Variants in LRP1B observed in about 807,000 individuals in gnomAD.
LRP1B encodes low-density lipoprotein receptor-related protein 1B.
In LRP1B, 217 loss-of-function variants were observed where a neutral mutation model predicts 556.6. The ratio of observed to expected loss-of-function variants is 0.39; its 90% CI spans 0.35 to 0.44. The LOEUF is 0.44. Among genes scored for constraint, LRP1B ranks in the 20% least tolerant of loss-of-function variants. The probability of loss-of-function intolerance (pLI) is 1.00; values close to 1 mark genes in which losing one functional copy is unlikely to be tolerated. For missense variants in LRP1B, 5,053 were observed against 5,620.8 expected (o/e 0.90, Z 3.23); for synonymous variants, 2,047 against 1,865.8 (o/e 1.10, Z -2.50).
chr2:141,016,002 T>TAA, intron 12 of LRP1B, 87 bp from the exon 13 acceptor site: 1 of 961,550 alleles, frequency 1.0e-6, no homozygotes, highest in South Asian at 1.3e-5. Context: ...GGCAGTTCCA[T>TAA]AAATTCTAGT....
At chr2:141,292,748 C>A (rs1053224649) in intron 3 of LRP1B, among the ~76,000 whole-genome samples, 1 of 152,134 alleles carries the variant, frequency 6.6e-6, no homozygotes, top group Non-Finnish European at 1.5e-5. Flanking sequence ...GACCTCAAAA[C>A]TGTCAAACTC....
rs188366884 is a variant in LRP1B, at chr2:141,901,502, C to T, written c.83-91101G>A. 1.2e-4 allele frequency among the ~76,000 whole-genome samples: 18 copies of T among 151,988 alleles called. No homozygotes were observed. In the East Asian group the frequency reaches 1.4e-3, roughly 11 times the overall value. On this transcript the variant is annotated intron_variant, in intron 1 of 90. Transcript: ENST00000389484. ...TCTCATGGATAATTTCTAGTATTTACGGGACTTATTTGCTGCTTATATTTA... is the reference window on the plus strand; with the variant it reads ...TCTCATGGATAATTTCTAGTATTTATGGGACTTATTTGCTGCTTATATTTA...
At chr2:140,671,171 C>G (rs1685466305) in intron 41 of LRP1B, among the ~76,000 whole-genome samples, 1 of 152,106 alleles carries the variant, frequency 6.6e-6, no homozygotes, top group Non-Finnish European at 1.5e-5. Flanking sequence ...TATCATTGAG[C>G]TAAAACTAAG....
At chr2:141,743,350 A>G (rs966600487) in intron 2 of LRP1B, among the ~76,000 whole-genome samples, 1 of 151,840 alleles carries the variant, frequency 6.6e-6, no homozygotes, top group Non-Finnish European at 1.5e-5. Flanking sequence ...TTTGTTGAGG[A>G]TTTTTGCATG....
intron 1 of LRP1B, among the ~76,000 whole-genome samples, chr2:141,987,689 T>A (rs1050110893): frequency 6.6e-6 from 1 of 151,970 alleles, no homozygotes; most frequent in South Asian, 2.1e-4. Flanking sequence ...TGTTTTTATA[T>A]GAGATTTATT....
chr2:140,550,856 G>T (rs1680522481), intron 43 of LRP1B, among the ~76,000 whole-genome samples: 1 of 152,252 alleles, frequency 6.6e-6, no homozygotes, highest in East Asian at 1.9e-4. Flanking sequence ...AAATTCAGGT[G>T]TTGAAGCCCC....
chr2:141,419,931 CA>C (rs35734579), intron 3 of LRP1B, among the ~76,000 whole-genome samples: 45,178 of 151,924 alleles, frequency 0.3, 6,851 homozygotes, highest in Admixed American at 0.32. Context: ...TGTGACCTAA[CA>C]TATGACCTAT....
intron 29 of LRP1B, among the ~76,000 whole-genome samples, chr2:140,846,389 T>G (rs1692274843): frequency 6.6e-6 from 1 of 152,166 alleles, no homozygotes; most frequent in Admixed American, 6.5e-5. Context: ...ACCAAGGAGC[T>G]AGTGTTTGTC....
At chr2:142,048,386 T>C (rs550917426) in intron 1 of LRP1B, among the ~76,000 whole-genome samples, 11 of 152,192 alleles carry the variant, frequency 7.2e-5, no homozygotes, top group Middle Eastern at 3.4e-3. Context: ...AAGTTTTGAC[T>C]TGCACATAAT....
intron 9 of LRP1B, among the ~76,000 whole-genome samples, chr2:141,057,558 C>T (rs930997108): frequency 1.2e-4 from 18 of 151,780 alleles, no homozygotes; most frequent in Admixed American, 1.1e-3. Flanking sequence ...AGGTCTTTCC[C>T]ATGCTGTTCT....
At chr2:141,499,139 GTTC>G (rs1683621929) in intron 2 of LRP1B, among the ~76,000 whole-genome samples, 2 of 152,066 alleles carry the variant, frequency 1.3e-5, no homozygotes, top group African/African-American at 4.8e-5. Context: ...ATCAGGCTGT[GTTC>G]TAAGCTTTTT....
At chr2:140,333,966 C>G (rs192930927) in intron 79 of LRP1B, among the ~76,000 whole-genome samples, 1 of 150,948 alleles carries the variant, frequency 6.6e-6, no homozygotes, top group Admixed American at 6.6e-5. Context: ...GAGATTAAAG[C>G]CATATTGAAA....
chr2:141,952,001 T>TCCCCCCC (rs1701119675), intron 1 of LRP1B, among the ~76,000 whole-genome samples: 1 of 87,942 alleles, frequency 1.1e-5, no homozygotes, highest in African/African-American at 4.6e-5. Context: ...CCCTCCCCTC[T>TCCCCCCC]CCCCCCACCC....
chr2:140,801,780 A>C (rs2105010000), intron 32 of LRP1B, among the ~76,000 whole-genome samples: 1 of 152,292 alleles, frequency 6.6e-6, no homozygotes, highest in South Asian at 2.1e-4. Context: ...AAAGTGGCTA[A>C]GTAGGTAATG....
intron 60 of LRP1B, among the ~76,000 whole-genome samples, chr2:140,469,556 G>T (rs1687680881): frequency 6.6e-6 from 1 of 152,174 alleles, no homozygotes; most frequent in Non-Finnish European, 1.5e-5. Flanking sequence ...TTACTGAGAT[G>T]CATGCTTTCT....
At chr2:140,292,102 T>A (rs1410952056) in intron 84 of LRP1B, among the ~76,000 whole-genome samples, 7 of 152,164 alleles carry the variant, frequency 4.6e-5, no homozygotes, top group Admixed American at 4.6e-4. Flanking sequence ...GCTGCATAAA[T>A]GTCGGAGAAG....
chr2:141,391,198 A>T (rs1690037721), intron 3 of LRP1B, among the ~76,000 whole-genome samples: 1 of 152,160 alleles, frequency 6.6e-6, no homozygotes, highest in South Asian at 2.1e-4. Context: ...AGCAGAGTGA[A>T]TTTGTGCTAT....
intron 3 of LRP1B, among the ~76,000 whole-genome samples, chr2:141,409,454 T>G (rs910566942): frequency 1.3e-5 from 2 of 152,086 alleles, no homozygotes; most frequent in Non-Finnish European, 1.5e-5. Flanking sequence ...AAAGCTCTAG[T>G]ACATACATAA....
intron 1 of LRP1B, among the ~76,000 whole-genome samples, chr2:142,057,623 T>C (rs1484184837): frequency 1.3e-5 from 2 of 152,040 alleles, no homozygotes; most frequent in East Asian, 1.9e-4. Context: ...TCACACACTA[T>C]TTTTTTCCAA....
Sources: allele counts gnomAD v4.1 joint callset (sites outside exome capture counted in the v4.1 genomes callset), GRCh38; gene constraint gnomAD v4.1.1; transcripts MANE v1.5; gene names NCBI Gene and HGNC (gene_info 2026-07-23, HGNC 2026-07-21).